The following DPP10 variants were observed in gnomAD, a reference collection of about 807,000 sequenced individuals.
DPP10 encodes the protein inactive dipeptidyl peptidase 10.
DPP10 carries 33 observed loss-of-function variants against 120.9 expected under a neutral mutation model. That is an observed-to-expected ratio of 0.27 (90% CI 0.21 to 0.37). The LOEUF (loss-of-function observed/expected upper bound fraction) is 0.37. Ranked by LOEUF, DPP10 falls within the 10% of genes least tolerant of loss-of-function variation. DPP10 has a pLI of 1.00. For missense variants in DPP10, 816 were observed against 942.8 expected (o/e 0.87, Z 1.76); for synonymous variants, 337 against 326.1 (o/e 1.03, Z -0.36).
At chr2:115,369,500 T>C (rs1180945677) in intron 3 of DPP10, among the ~76,000 whole-genome samples, 1 of 152,080 alleles carries the variant, frequency 6.6e-6, no homozygotes, top group Non-Finnish European at 1.5e-5. Context: ...CTATATTCAG[T>C]GTTAGAAAGA....
chr2:115,444,424 T>C (rs1428807349), intron 3 of DPP10, among the ~76,000 whole-genome samples: 1 of 152,194 alleles, frequency 6.6e-6, no homozygotes, highest in Non-Finnish European at 1.5e-5. Context: ...ATAATTTTAA[T>C]AGTAAATCAA....
intron 7 of DPP10, among the ~76,000 whole-genome samples, chr2:115,701,763 C>T (rs941319479): frequency 1.3e-5 from 2 of 151,710 alleles, no homozygotes; most frequent in African/African-American, 4.8e-5. Flanking sequence ...GATTCTAAAA[C>T]GTAATAAAAA....
chr2:115,437,474 G>C (rs2071599450), intron 3 of DPP10, among the ~76,000 whole-genome samples: 1 of 152,020 alleles, frequency 6.6e-6, no homozygotes, highest in Admixed American at 6.6e-5. Flanking sequence ...ATGATTAAAA[G>C]AGGAACTTGC....
chr2:115,660,655 C>CTTTTTTTTTTTTTTTTTTTTTTTCTTTTT (rs2088854256), intron 5 of DPP10, among the ~76,000 whole-genome samples: 1 of 25,314 alleles, frequency 4.0e-5, no homozygotes, highest in Non-Finnish European at 8.7e-5. Context: ...CTCTGTCTGG[C>CTTTTTTTTTTTTTTTTTTTTTTTCTTTTT]TTTTTTTTTT....
intron 1 of DPP10, among the ~76,000 whole-genome samples, chr2:114,588,031 T>A (rs917608307): frequency 6.6e-6 from 1 of 152,268 alleles, no homozygotes; most frequent in African/African-American, 2.4e-5. Context: ...CCAGGTGTTT[T>A]AGAAGCTGCG....
intron 1 of DPP10, among the ~76,000 whole-genome samples, chr2:114,757,182 A>G (rs1020644499): frequency 6.9e-6 from 1 of 144,694 alleles, no homozygotes; most frequent in Non-Finnish European, 1.5e-5. Context: ...AAAAGAAGAA[A>G]GAGGGATGGA....
At chr2:115,634,203 C>G (rs1558956520) in intron 5 of DPP10, among the ~76,000 whole-genome samples, 1 of 152,166 alleles carries the variant, frequency 6.6e-6, no homozygotes, top group Non-Finnish European at 1.5e-5. Context: ...CTACTTCCGT[C>G]AGTTTATCCA....
intron 1 of DPP10, among the ~76,000 whole-genome samples, chr2:114,728,605 C>T (rs922229840): frequency 4.6e-5 from 7 of 152,092 alleles, no homozygotes; most frequent in South Asian, 2.1e-4. Context: ...TCCAGAGAAG[C>T]GGACTGCATT....
chr2:115,230,018 A>T (rs993660349), intron 1 of DPP10, among the ~76,000 whole-genome samples: 1 of 151,814 alleles, frequency 6.6e-6, no homozygotes, highest in Non-Finnish European at 1.5e-5. Context: ...AGTAGTGTGG[A>T]CATTTTAACA....
At chr2:115,526,830 A>G (rs2078161417) in intron 5 of DPP10, among the ~76,000 whole-genome samples, 1 of 152,078 alleles carries the variant, frequency 6.6e-6, no homozygotes, top group Non-Finnish European at 1.5e-5. Context: ...TGGAATATAC[A>G]TGTGCTATAT....
chr2:115,765,710 C>T (rs1225555431), intron 12 of DPP10, among the ~76,000 whole-genome samples: 1 of 151,876 alleles, frequency 6.6e-6, no homozygotes, highest in Non-Finnish European at 1.5e-5. Flanking sequence ...AAAGAAACTC[C>T]AAGAGAGAAA....
intron 1 of DPP10, among the ~76,000 whole-genome samples, chr2:114,731,226 T>C (rs1427189424): frequency 7.4e-6 from 1 of 135,594 alleles, no homozygotes; most frequent in Admixed American, 7.3e-5. Context: ...CACTTGAGGC[T>C]TTTTTTTTTT....
At chr2:114,957,679 A>G (rs1698314496) in intron 1 of DPP10, among the ~76,000 whole-genome samples, 1 of 152,224 alleles carries the variant, frequency 6.6e-6, no homozygotes, top group Non-Finnish European at 1.5e-5. Context: ...AATAGTCAAG[A>G]TGTGGAACAG....
intron 1 of DPP10, among the ~76,000 whole-genome samples, chr2:115,121,352 G>A (rs2049815218): frequency 6.6e-6 from 1 of 152,232 alleles, no homozygotes; most frequent in Admixed American, 6.5e-5. Flanking sequence ...GTTGCTTAGA[G>A]AAGGAGATTA....
chr2:114,688,853 A>C (rs148929264), intron 1 of DPP10, among the ~76,000 whole-genome samples: 1 of 151,894 alleles, frequency 6.6e-6, no homozygotes, highest in Non-Finnish European at 1.5e-5. Context: ...AACAAAGGAG[A>C]AGTTAGGAGG....
At chr2:115,293,610 T>TA (rs2060754157) in intron 1 of DPP10, among the ~76,000 whole-genome samples, 2 of 152,098 alleles carry the variant, frequency 1.3e-5, no homozygotes, top group Non-Finnish European at 2.9e-5. Flanking sequence ...TAAAAGAAAT[T>TA]ATGTTAACTG....
intron 2 of DPP10, among the ~76,000 whole-genome samples, chr2:115,336,469 A>C (rs765264586): frequency 4.6e-5 from 7 of 151,910 alleles, no homozygotes; most frequent in Non-Finnish European, 7.4e-5. Context: ...CCTATTCATA[A>C]TTATAGTATC....
intron 1 of DPP10, among the ~76,000 whole-genome samples, chr2:115,024,677 A>G (rs1229783329): frequency 6.7e-6 from 1 of 148,382 alleles, no homozygotes; most frequent in Non-Finnish European, 1.5e-5. Flanking sequence ...AAATGTATAT[A>G]GAGAGACAGA....
intron 1 of DPP10, among the ~76,000 whole-genome samples, chr2:115,040,684 G>A (rs909655907): frequency 6.6e-6 from 1 of 151,970 alleles, no homozygotes; most frequent in South Asian, 2.1e-4. Flanking sequence ...TTCCCCCTCA[G>A]TGTTGCTCTT....
Sources: gnomAD v4.1 joint callset for allele counts (sites outside exome capture counted in the v4.1 genomes callset) on GRCh38, gnomAD v4.1.1 for gene constraint, MANE v1.5 for transcripts, NCBI Gene and HGNC (gene_info 2026-07-23, HGNC 2026-07-21) for gene names.